The following PACSIN2 variants were observed in gnomAD, a reference collection of about 807,000 sequenced individuals.
The protein encoded by PACSIN2 is protein kinase C and casein kinase substrate in neurons 2.
A neutral mutation model predicts 63.8 loss-of-function variants in PACSIN2; 25 were observed. The observed-to-expected ratio is 0.39, with a 90% CI of 0.29 to 0.55. PACSIN2 has a LOEUF of 0.55. PACSIN2 is among the 20% of genes least tolerant of loss of function. PACSIN2 has a pLI of 0.62. For synonymous variants in PACSIN2, 255 were observed against 256.2 expected (o/e 1.00, Z 0.05); for missense variants, 518 against 646.9 (o/e 0.80, Z 2.16).
rs142877484 is a variant in PACSIN2 at position 42,978,434 on chromosome 22, C to T, written c.-78+36587G>A. On this transcript the variant is annotated intron_variant, in intron 1 of 10. Transcript: ENST00000263246. ...CAGAAAATATCAGTCTTCGTTTACA[C>T]GCAACACAAGAAGAGCACAGGGCCC... Among the ~76,000 whole-genome samples, 210 of 152,298 alleles carry T rather than the reference C, an allele frequency of 1.4e-3. 6 individuals are homozygous for T. The East Asian group carries it at 0.037, about 27-fold the overall frequency.
In PACSIN2 at chr22:42,870,339, C is replaced by A. The variant is rs1251267110; in HGVS notation, c.*1018G>T. On this transcript the variant is annotated 3_prime_UTR_variant, in exon 11 of 11. Coordinates refer to ENST00000263246, the MANE Select transcript of PACSIN2 (RefSeq NM_001184970.3). ...CAGGCCCACTGAGCCCGGGAGGAGACCCAGCCGGCCAGCCAGACGTGTGCC... is the reference window on the plus strand; with the variant it reads ...CAGGCCCACTGAGCCCGGGAGGAGAACCAGCCGGCCAGCCAGACGTGTGCC... 1 of 152,150 alleles carries A rather than the reference C, an allele frequency of 6.6e-6. No individual in the cohort carries two copies. Among genetic ancestry groups the A allele is most frequent in the Non-Finnish European group, 1.5e-5 (1 of 68,036 alleles). 9.4% of individuals were successfully genotyped at this position (152,150 alleles called of 1,614,324 possible).
At chr22:42,911,590 C>T (rs1037170376) in intron 2 of PACSIN2, among the ~76,000 whole-genome samples, 1 of 152,204 alleles carries the variant, frequency 6.6e-6, no homozygotes, top group South Asian at 2.1e-4. Flanking sequence ...ATTTGGCCCT[C>T]TGGCCACTTG....
intron 1 of PACSIN2, among the ~76,000 whole-genome samples, chr22:42,964,418 GA>G (rs34545773): frequency 0.023 from 3,121 of 135,216 alleles, 99 homozygotes; most frequent in African/African-American, 0.077. Context: ...ACTCCGTCTG[GA>G]AAAAAAAAAA....
chr22:42,953,407 A>C (rs1184267647), intron 1 of PACSIN2, among the ~76,000 whole-genome samples: 1 of 152,232 alleles, frequency 6.6e-6, no homozygotes, highest in South Asian at 2.1e-4. Flanking sequence ...CAGGAATAAA[A>C]AATTACATGT....
Position 42,884,471 on chromosome 22 carries a change from G to T in PACSIN2, c.700C>A (p.Gln234Lys). The T allele has an allele frequency of 6.2e-7, 1 of 1,614,194 alleles. No individual in the cohort carries two copies. Among genetic ancestry groups the T allele is most frequent in the Non-Finnish European group, 8.5e-7 (1 of 1,180,006 alleles). Residue 234 changes from glutamine (Q) to lysine (K), a missense_variant, in exon 6 of 11, where the codon CAG becomes AAG. Transcript: ENST00000263246. Reference sequence around the variant, plus strand: ...CGAAGGCGTTTCTCCTCGAACTGCTGGCACTGCTCAAACACCTGCTCCATG... The same window carrying T: ...CGAAGGCGTTTCTCCTCGAACTGCTTGCACTGCTCAAACACCTGCTCCATG... ...ENMEQVFEQC[Q>K]QFEEKRLRFF...
chr22:43,008,870 G>A (rs879551950), intron 1 of PACSIN2, among the ~76,000 whole-genome samples: 5 of 152,324 alleles, frequency 3.3e-5, no homozygotes, highest in Non-Finnish European at 5.9e-5. Flanking sequence ...AAGCAACTGA[G>A]AAGTAGTCAT....
intron 1 of PACSIN2, among the ~76,000 whole-genome samples, chr22:42,984,977 T>C (rs9623729): frequency 0.012 from 1,885 of 152,212 alleles, 45 homozygotes; most frequent in African/African-American, 0.044. Context: ...ATTTGCTTGT[T>C]CTGTTTGGCA....
At chr22:43,004,532 C>T (rs908574977) in intron 1 of PACSIN2, among the ~76,000 whole-genome samples, 13 of 152,316 alleles carry the variant, frequency 8.5e-5, no homozygotes, top group Admixed American at 6.5e-5. Flanking sequence ...CCACTAATAG[C>T]GGGCTTGGAC....
At chr22:42,981,012 C>T (rs1199552140) in intron 1 of PACSIN2, among the ~76,000 whole-genome samples, 8 of 139,034 alleles carry the variant, frequency 5.8e-5, no homozygotes, top group African/African-American at 8.0e-5. Flanking sequence ...CGTCTCTGCC[C>T]GGCCGCCATC....
intron 1 of PACSIN2, among the ~76,000 whole-genome samples, chr22:42,962,384 G>A (rs1934166231): frequency 6.6e-6 from 1 of 152,122 alleles, no homozygotes; most frequent in Admixed American, 6.5e-5. Context: ...TCCCAGATGA[G>A]AGGTTATGCA....
chr22:42,927,651 G>C (rs909145240), intron 1 of PACSIN2, among the ~76,000 whole-genome samples: 10 of 152,006 alleles, frequency 6.6e-5, no homozygotes, highest in Admixed American at 3.9e-4. Flanking sequence ...GCAATGGCGT[G>C]ATCTTGGCTC....
At chr22:43,005,826 A>G (rs991029073) in intron 1 of PACSIN2, among the ~76,000 whole-genome samples, 30 of 152,118 alleles carry the variant, frequency 2.0e-4, no homozygotes, top group Non-Finnish European at 3.7e-4. Context: ...GGTGCAAAGG[A>G]CTGCATGTAT....
intron 1 of PACSIN2, among the ~76,000 whole-genome samples, chr22:42,976,405 A>G (rs1010789207): frequency 3.3e-5 from 5 of 152,266 alleles, no homozygotes; most frequent in African/African-American, 9.6e-5. Context: ...AACACTGGCC[A>G]GCCCAGGCGA....
chr22:42,994,391 A>G (rs555272078), intron 1 of PACSIN2, among the ~76,000 whole-genome samples: 1 of 152,352 alleles, frequency 6.6e-6, no homozygotes, highest in Admixed American at 6.5e-5. Flanking sequence ...CCAGGCACAC[A>G]CATGAATCCA....
At chr22:42,949,059 G>C (rs1243875127) in intron 1 of PACSIN2, among the ~76,000 whole-genome samples, 4 of 152,198 alleles carry the variant, frequency 2.6e-5, no homozygotes, top group Non-Finnish European at 5.9e-5. Context: ...TTGGGAGGTG[G>C]AGGTGGAAGG....
At chr22:42,965,509 C>T (rs560368096) in intron 1 of PACSIN2, among the ~76,000 whole-genome samples, 1 of 152,334 alleles carries the variant, frequency 6.6e-6, no homozygotes, top group African/African-American at 2.4e-5. Flanking sequence ...AGTAACAGAG[C>T]TTCCTTCCTA....
intron 1 of PACSIN2, among the ~76,000 whole-genome samples, chr22:43,004,879 C>T (rs765769171): frequency 6.6e-6 from 1 of 152,180 alleles, no homozygotes. Flanking sequence ...AAACCACTCA[C>T]CCCTTTAGCT....
At chr22:42,966,146 C>T (rs905385131) in intron 1 of PACSIN2, among the ~76,000 whole-genome samples, 8 of 151,898 alleles carry the variant, frequency 5.3e-5, no homozygotes, top group African/African-American at 7.3e-5. Flanking sequence ...CTGAGGCAGG[C>T]GGATCACGAG....
chr22:43,005,337 C>T (rs1234802879), intron 1 of PACSIN2, among the ~76,000 whole-genome samples: 1 of 152,214 alleles, frequency 6.6e-6, no homozygotes, highest in Non-Finnish European at 1.5e-5. Context: ...ACATTAAACT[C>T]AGGCAGAGAA....
Sources: gnomAD v4.1 joint callset for allele counts (sites outside exome capture counted in the v4.1 genomes callset) on GRCh38, gnomAD v4.1.1 for gene constraint, MANE v1.5 for transcripts, NCBI Gene and HGNC (gene_info 2026-07-23, HGNC 2026-07-21) for gene names.